NR2F1-AS1: variants seen among roughly 807,000 people sequenced by gnomAD.
The protein encoded by NR2F1-AS1 is NR2F1 antisense RNA 1.
At chr5:93,492,937 C>T (rs1333420396) in intron 4 of NR2F1-AS1, among the ~76,000 whole-genome samples, 1 of 151,816 alleles carries the variant, frequency 6.6e-6, no homozygotes, top group Non-Finnish European at 1.5e-5. Flanking sequence ...TAACATTATG[C>T]TCAATGGTGA....
intron 4 of NR2F1-AS1, among the ~76,000 whole-genome samples, chr5:93,475,142 G>T (rs1210559716): frequency 6.9e-6 from 1 of 144,144 alleles, no homozygotes; most frequent in African/African-American, 2.6e-5. Context: ...AAAAAAAAAA[G>T]ATGATTTCCC....
At chr5:93,466,769 C>A (rs1317329340) in intron 4 of NR2F1-AS1, among the ~76,000 whole-genome samples, 1 of 152,138 alleles carries the variant, frequency 6.6e-6, no homozygotes, top group African/African-American at 2.4e-5. Flanking sequence ...ATCAAGTACT[C>A]ATTATGAAGG....
At chr5:93,447,425 ATT>A (rs1307487088) in intron 4 of NR2F1-AS1, among the ~76,000 whole-genome samples, 1 of 152,260 alleles carries the variant, frequency 6.6e-6, no homozygotes, top group Non-Finnish European at 1.5e-5. Context: ...AAAAGAAGAC[ATT>A]TATGCAGCCA....
At chr5:93,485,411 A>G (rs1384205542) in intron 4 of NR2F1-AS1, among the ~76,000 whole-genome samples, 2 of 152,198 alleles carry the variant, frequency 1.3e-5, no homozygotes. Context: ...TTTGAAACCA[A>G]TGAGAACAAA....
chr5:93,551,032 C>T (rs181865235), intron 4 of NR2F1-AS1, among the ~76,000 whole-genome samples: 1 of 151,530 alleles, frequency 6.6e-6, no homozygotes, highest in Non-Finnish European at 1.5e-5. Context: ...CACTGTTTCT[C>T]AGCAGCACAA....
intron 4 of NR2F1-AS1, among the ~76,000 whole-genome samples, chr5:93,506,966 T>C (rs1213651028): frequency 6.6e-6 from 1 of 152,226 alleles, no homozygotes; most frequent in Non-Finnish European, 1.5e-5. Context: ...ATCATCTAAA[T>C]GTCTATGTCT....
intron 4 of NR2F1-AS1, among the ~76,000 whole-genome samples, chr5:93,512,659 C>A (rs1398651019): frequency 6.6e-6 from 1 of 152,118 alleles, no homozygotes; most frequent in Non-Finnish European, 1.5e-5. Flanking sequence ...ACAGTAAGTG[C>A]CCTATATAGG....
At chr5:93,440,578 C>T (rs1443212433) in intron 4 of NR2F1-AS1, among the ~76,000 whole-genome samples, 3 of 152,166 alleles carry the variant, frequency 2.0e-5, no homozygotes, top group African/African-American at 7.2e-5. Context: ...TGGAACTATA[C>T]CACGAGCTCT....
At chr5:93,476,031 T>G (rs1479534465) in intron 4 of NR2F1-AS1, among the ~76,000 whole-genome samples, 2 of 152,218 alleles carry the variant, frequency 1.3e-5, no homozygotes, top group Admixed American at 1.3e-4. Context: ...AAAAAAATCA[T>G]TCAGTCTGTT....
chr5:93,572,865 ATGT>A (rs1037133571), intron 1 of NR2F1-AS1, among the ~76,000 whole-genome samples: 14 of 152,218 alleles, frequency 9.2e-5, no homozygotes, highest in African/African-American at 2.7e-4. Flanking sequence ...TTTCAGGCAG[ATGT>A]TGTTATCTCC....
upstream of NR2F1-AS1, among the ~76,000 whole-genome samples, chr5:93,581,731 T>C (rs1317175881): frequency 6.1e-4 from 24 of 39,170 alleles, no homozygotes; most frequent in African/African-American, 1.4e-3. Context: ...TCTCTCTCTC[T>C]CTCCCCCTCT....
chr5:93,532,409 G>C (rs1751753835), intron 4 of NR2F1-AS1, among the ~76,000 whole-genome samples: 1 of 152,048 alleles, frequency 6.6e-6, no homozygotes. Flanking sequence ...GAGAGAGAGA[G>C]AGAAAGAGAG....
rs144388992 is a variant in NR2F1-AS1 at position 93,521,803 on chromosome 5, C to T, written n.638+31958G>A. ...GTTCAACCATTGGAATGCAGTATGG[C>T]GATTCCTCAAACAGCTAAAAGCCTG... On this transcript the variant is annotated intron_variant and non_coding_transcript_variant, in intron 4 of 5. Transcript: ENST00000660523. 3.9e-5 allele frequency among the ~76,000 whole-genome samples: 6 copies of T among 152,104 alleles called. No homozygotes were observed. The East Asian group carries it at 5.8e-4, about 15-fold the overall frequency.
chr5:93,451,784 C>T (rs1217216558), intron 4 of NR2F1-AS1, among the ~76,000 whole-genome samples: 3 of 152,184 alleles, frequency 2.0e-5, no homozygotes, highest in African/African-American at 7.2e-5. Context: ...CTACCAAGCA[C>T]CTGGCATATG....
At chr5:93,421,482 T>C (rs908729280) in intron 4 of NR2F1-AS1, among the ~76,000 whole-genome samples, 7 of 152,200 alleles carry the variant, frequency 4.6e-5, no homozygotes, top group Non-Finnish European at 7.3e-5. Context: ...GGTTTAGCTT[T>C]ACAACCAGCT....
chr5:93,532,561 T>C (rs969424241), intron 4 of NR2F1-AS1, among the ~76,000 whole-genome samples: 3 of 152,242 alleles, frequency 2.0e-5, no homozygotes, highest in Admixed American at 6.5e-5. Context: ...AAATGGCTTA[T>C]TACCTTTCAC....
At chr5:93,480,042 A>G (rs780466552) in intron 4 of NR2F1-AS1, among the ~76,000 whole-genome samples, 2 of 152,140 alleles carry the variant, frequency 1.3e-5, no homozygotes, top group Non-Finnish European at 2.9e-5. Flanking sequence ...GACTTATAGG[A>G]CATCATCAAG....
At chr5:93,460,102 A>T (rs1459859571) in intron 4 of NR2F1-AS1, among the ~76,000 whole-genome samples, 1 of 150,944 alleles carries the variant, frequency 6.6e-6, no homozygotes, top group Non-Finnish European at 1.5e-5. Flanking sequence ...AAACATCTTT[A>T]AAAAAAAAAT....
At chr5:93,563,064 G>C (rs1358556699) in intron 2 of NR2F1-AS1, among the ~76,000 whole-genome samples, 1 of 152,176 alleles carries the variant, frequency 6.6e-6, no homozygotes, top group Admixed American at 6.5e-5. Flanking sequence ...AAAATATATA[G>C]CCAATGCTGG....
Sources: gnomAD v4.1 joint callset for allele counts (sites outside exome capture counted in the v4.1 genomes callset) on GRCh38, gnomAD v4.1.1 for gene constraint, MANE v1.5 for transcripts, NCBI Gene and HGNC (gene_info 2026-07-23, HGNC 2026-07-21) for gene names.